Variants in SSU72 observed in about 807,000 individuals in gnomAD.
The protein encoded by SSU72 is SSU72 homolog, RNA polymerase II CTD phosphatase.
SSU72 carries 12 observed loss-of-function variants against 22.7 expected under a neutral mutation model. The ratio of observed to expected loss-of-function variants is 0.53; its 90% CI spans 0.34 to 0.86. The LOEUF (loss-of-function observed/expected upper bound fraction) is 0.86, where lower values mean the gene tolerates loss of function less well. Among genes scored for constraint, SSU72 ranks in the 40% least tolerant of loss-of-function variants. The probability of loss-of-function intolerance (pLI) is 0.02; values close to 1 mark genes in which losing one functional copy is unlikely to be tolerated. For synonymous variants in SSU72, 116 were observed against 98.3 expected, an observed-to-expected ratio of 1.18 and a Z score of -1.06; for missense variants, 151 against 249.8, an observed-to-expected ratio of 0.60 and a Z score of 2.67.
intron 1 of SSU72, among the ~76,000 whole-genome samples, chr1:1,566,895 T>C (rs1398996281): frequency 6.6e-6 from 1 of 150,652 alleles, no homozygotes; most frequent in East Asian, 1.9e-4. Context: ...TGAGTAACAG[T>C]GTCACAAGAG....
At chr1:1,550,165 G>A (rs1186371755) in intron 2 of SSU72, among the ~76,000 whole-genome samples, 1 of 138,138 alleles carries the variant, frequency 7.2e-6, no homozygotes, top group Non-Finnish European at 1.5e-5. Flanking sequence ...GACAGAGCGA[G>A]AGTGTCTCAA....
At chr1:1,571,364 G>A (rs1390493170) in intron 1 of SSU72, among the ~76,000 whole-genome samples, 6 of 148,150 alleles carry the variant, frequency 4.0e-5, no homozygotes, top group Non-Finnish European at 5.9e-5. Context: ...CTGGGATGCA[G>A]AGGTTGCAGT....
chr1:1,543,128 C>T (rs1228308730), intron 4 of SSU72, among the ~76,000 whole-genome samples: 1 of 152,262 alleles, frequency 6.6e-6, no homozygotes, highest in Non-Finnish European at 1.5e-5. Context: ...CAGCCCAGCA[C>T]CTCCACGCCG....
chr1:1,545,009 A>G lies in SSU72; in HGVS notation c.225-7T>C, dbSNP rs757652123. 15 of 1,612,348 alleles carry G rather than the reference A, an allele frequency of 9.3e-6. No individual in the cohort carries two copies. Among genetic ancestry groups the G allele is most frequent in the Non-Finnish European group, 9.3e-6 (11 of 1,178,658 alleles). On this transcript the variant is annotated splice_polypyrimidine_tract_variant and splice_region_variant and intron_variant, in intron 2 of 4. Coordinates refer to ENST00000291386, the MANE Select transcript of SSU72 (RefSeq NM_014188.3). ...AATCCCATTCTGTGTATAGCTACAC[A>G]TGGGAGTTAAGGAACGTCAGAGAAA...
At chr1:1,545,333 A>G in intron 2 of SSU72, 1 of 299,456 alleles carries the variant, frequency 3.3e-6, no homozygotes, top group East Asian at 7.8e-5. Flanking sequence ...GCCCGGCCCA[A>G]GCTGCCCTTG....
chr1:1,551,696 C>A (rs1642458110), intron 2 of SSU72, among the ~76,000 whole-genome samples: 2 of 152,302 alleles, frequency 1.3e-5, no homozygotes, highest in South Asian at 2.1e-4. Flanking sequence ...AACGGCCCAA[C>A]CTATCTCTGC....
intron 1 of SSU72, among the ~76,000 whole-genome samples, chr1:1,571,042 C>T (rs1031170384): frequency 1.3e-5 from 2 of 151,998 alleles, no homozygotes; most frequent in African/African-American, 4.8e-5. Context: ...GTCAGGAGAT[C>T]GAGGCCATCT....
intron 2 of SSU72, among the ~76,000 whole-genome samples, chr1:1,551,660 G>A (rs892280379): frequency 1.3e-5 from 2 of 152,202 alleles, no homozygotes; most frequent in Non-Finnish European, 2.9e-5. Context: ...AGCCTTTCTC[G>A]ACCAGGGTCC....
At chr1:1,558,163 T>C (rs1642543127) in intron 2 of SSU72, among the ~76,000 whole-genome samples, 1 of 147,244 alleles carries the variant, frequency 6.8e-6, no homozygotes, top group Admixed American at 6.9e-5. Context: ...ATCGTGCCAT[T>C]GCACTCCAGC....
At chr1:1,560,451 C>T (rs560592395) in intron 2 of SSU72, among the ~76,000 whole-genome samples, 320 of 152,300 alleles carry the variant, frequency 2.1e-3, no homozygotes, top group African/African-American at 7.3e-3. Context: ...ACCGAAGGCT[C>T]GCATCCCAGT....
Position 1,574,513 on chromosome 1 carries a change from G to T in SSU72, c.45C>A (p.Asn15Lys). The T allele has an allele frequency of 6.3e-7, 1 of 1,594,894 alleles. No individual in the cohort carries two copies. The highest frequency in any genetic ancestry group is 8.5e-7 in the Non-Finnish European group (1 of 1,172,894). The change falls in exon 1 of 5, where the codon AAC becomes AAA. Residue 15 changes from asparagine (N) to lysine (K), a missense_variant. Transcript: ENST00000291386. ...TGTGCGCCTCCATGCTCCGGTTCTGGTTGCTCGAGCACACCACCGCCACCC... is the reference window on the plus strand; with the variant it reads ...TGTGCGCCTCCATGCTCCGGTTCTGTTTGCTCGAGCACACCACCGCCACCC... ...PLRVAVVCSS[N>K]QNRSMEAHNI...
chr1:1,557,685 C>T (rs954309598), intron 2 of SSU72, among the ~76,000 whole-genome samples: 1 of 151,444 alleles, frequency 6.6e-6, no homozygotes, highest in African/African-American at 2.4e-5. Context: ...GTAATCCCAG[C>T]TACTCAGGAT....
At position 1,554,900 on chromosome 1, in the gene SSU72, C is replaced by T. The variant is rs191514498; in HGVS notation, c.224+9873G>A. 3.1e-3 allele frequency among the ~76,000 whole-genome samples: 477 copies of T among 152,240 alleles called. 3 individuals carry two copies. The highest frequency in any genetic ancestry group is 0.01 in the African/African-American group (434 of 41,556). ...GGCCCTCAGCCTCTCCTTTGCAAAC[C>T]GTGGCTGGCAGCAGAGACTTCCTTG... On this transcript the variant is annotated intron_variant, in intron 2 of 4. Transcript: ENST00000291386. This position sits in a 1 kb window ranked among gnomAD's most constrained non-coding sequence, Gnocchi z 4.1.
chr1:1,566,340 C>G (rs527619882), intron 1 of SSU72, among the ~76,000 whole-genome samples: 2 of 152,286 alleles, frequency 1.3e-5, no homozygotes, highest in South Asian at 2.1e-4. Flanking sequence ...TTATAATTAC[C>G]TAAAAAATAT....
intron 1 of SSU72, among the ~76,000 whole-genome samples, chr1:1,565,455 A>AGGACT (rs1453433866): frequency 6.6e-6 from 1 of 152,258 alleles, no homozygotes; most frequent in African/African-American, 2.4e-5. Context: ...TTAAACTGAA[A>AGGACT]GGACTGACTG....
chr1:1,552,461 G>A (rs1479449125), intron 2 of SSU72, among the ~76,000 whole-genome samples: 1 of 152,208 alleles, frequency 6.6e-6, no homozygotes, highest in African/African-American at 2.4e-5. Context: ...ATGATCCGGT[G>A]TGACTGACAG....
chr1:1,555,080 T>C (rs971829880), intron 2 of SSU72, among the ~76,000 whole-genome samples: 3 of 152,068 alleles, frequency 2.0e-5, no homozygotes, highest in Non-Finnish European at 4.4e-5. Context: ...GCTATCACCT[T>C]ATTGGCCAGA....
chr1:1,547,803 G>A (rs1389002534), intron 2 of SSU72, among the ~76,000 whole-genome samples: 1 of 152,226 alleles, frequency 6.6e-6, no homozygotes, highest in Non-Finnish European at 1.5e-5. Flanking sequence ...CCTTTCTGAA[G>A]GAAGAACCTA....
At chr1:1,558,995 G>T (rs994802415) in intron 2 of SSU72, among the ~76,000 whole-genome samples, 1 of 152,152 alleles carries the variant, frequency 6.6e-6, no homozygotes, top group African/African-American at 2.4e-5. Context: ...CTCAACTATG[G>T]AAAGTGGCTT....
Sources: allele counts gnomAD v4.1 joint callset (sites outside exome capture counted in the v4.1 genomes callset), GRCh38; gene constraint gnomAD v4.1.1; non-coding constraint Gnocchi (gnomAD v3.1); transcripts MANE v1.5; gene names NCBI Gene and HGNC (gene_info 2026-07-23, HGNC 2026-07-21).